ATP2A2: variants seen among roughly 807,000 people sequenced by gnomAD.
The protein encoded by ATP2A2 is ATPase sarcoplasmic/endoplasmic reticulum Ca2+ transporting 2.
In ATP2A2, 14 loss-of-function variants were observed where a neutral mutation model predicts 109.3. The observed-to-expected ratio is 0.13, with a 90% confidence interval of 0.08 to 0.20. The LOEUF is 0.20. Ranked by LOEUF, ATP2A2 falls within the 10% of genes least tolerant of loss-of-function variation. The probability of loss-of-function intolerance (pLI) is 1.00; values close to 1 mark genes in which losing one functional copy is unlikely to be tolerated. For missense variants in ATP2A2, 657 were observed against 1,321.6 expected (o/e 0.50, Z 7.80); for synonymous variants, 506 against 490.9 (o/e 1.03, Z -0.41).
chr12:110,300,504 A>G (rs937769328), intron 5 of ATP2A2, among the ~76,000 whole-genome samples: 7 of 150,762 alleles, frequency 4.6e-5, no homozygotes, highest in African/African-American at 1.7e-4. Context: ...GCAGGTGCCC[A>G]CCAACACTCC....
At chr12:110,296,267 T>TC in intron 4 of ATP2A2, 1 of 352,294 alleles carries the variant, frequency 2.8e-6, no homozygotes, top group East Asian at 7.0e-5. Context: ...CTGTACTGCC[T>TC]CTCATGAGAC....
chr12:110,298,721 A>G (rs1874228948), intron 5 of ATP2A2, among the ~76,000 whole-genome samples: 1 of 152,158 alleles, frequency 6.6e-6, no homozygotes, highest in African/African-American at 2.4e-5. Context: ...CTCCATCTCA[A>G]AAAAACAAAT....
intron 16 of ATP2A2, among the ~76,000 whole-genome samples, chr12:110,344,102 A>G (rs1057282824): frequency 8.5e-5 from 13 of 152,154 alleles, no homozygotes; most frequent in Non-Finnish European, 2.9e-5. Flanking sequence ...TGCTGTGCAC[A>G]CCTGCATGTT....
intron 3 of ATP2A2, among the ~76,000 whole-genome samples, chr12:110,284,870 A>G (rs183610090): frequency 6.6e-6 from 1 of 152,154 alleles, no homozygotes; most frequent in Admixed American, 6.5e-5. Context: ...GGAATTGCAG[A>G]TATAAGACCT....
rs1225208342 is a variant in ATP2A2, at chr12:110,300,177, GCTCT to G, written c.463+3445_463+3448del. ...GTCCTCCCTCTTTTCCTTCTTTCTC[GCTCT>G]CTCTTTTTTTTTTTTTTTTTTTTAA... On this transcript the variant is annotated intron_variant, in intron 5 of 19. Coordinates refer to ENST00000539276, the MANE Select transcript of ATP2A2 (RefSeq NM_170665.4). Among the ~76,000 whole-genome samples, 11 of 82,888 alleles carry G rather than the reference GCTCT, an allele frequency of 1.3e-4. No individual in the cohort carries two copies. The East Asian group carries it at 2.7e-3, about 20-fold the overall frequency. 54.4% of individuals were successfully genotyped at this position (82,888 alleles called of 152,430 possible).
At position 110,281,645 on chromosome 12, in the gene ATP2A2, C is replaced by A. The variant is rs980596382; in HGVS notation, c.-145C>A. 2.6e-5 allele frequency: 12 copies of A among 457,912 alleles called. No individual in the cohort carries two copies. Among genetic ancestry groups the A allele is most frequent in the African/African-American group, 1.3e-4 (6 of 47,824 alleles). 28.4% of individuals were successfully genotyped at this position (457,912 alleles called of 1,614,324 possible). A position where few individuals can be genotyped will look rare whatever the true frequency, so the allele number is the denominator to read the frequency against. On this transcript the variant is annotated 5_prime_UTR_variant, in exon 1 of 20. Transcript: ENST00000539276. ...GGGCGCGGGGTGATTCAGCGCCCGG[C>A]GAGGCGGAAGCGGCCGCAAGAGGAG... is the stretch of plus-strand genomic sequence containing the variant.
chr12:110,330,243 C>T (rs1055930525), intron 8 of ATP2A2: 5 of 152,144 alleles, frequency 3.3e-5, no homozygotes, highest in African/African-American at 1.2e-4. Flanking sequence ...ATTTTAAGCT[C>T]ATGATGATTT....
chr12:110,349,827 T>C lies in ATP2A2; in HGVS notation c.*3357T>C. Reference sequence around the variant, plus strand: ...CTTCACCCTCCTTTACTGAGGAGAATGATGCGGAGGAGTTTCCTCTCCAGG... The same window carrying C: ...CTTCACCCTCCTTTACTGAGGAGAACGATGCGGAGGAGTTTCCTCTCCAGG... On this transcript the variant is annotated 3_prime_UTR_variant, in exon 20 of 20. Transcript: ENST00000539276. 1 of 1,043,858 alleles carries C rather than the reference T, an allele frequency of 9.6e-7. No individual in the cohort carries two copies. Among genetic ancestry groups the C allele is most frequent in the Non-Finnish European group, 1.2e-6 (1 of 864,972 alleles). 64.7% of individuals were successfully genotyped at this position (1,043,858 alleles called of 1,614,324 possible). A position where few individuals can be genotyped will look rare whatever the true frequency, so the allele number is the denominator to read the frequency against.
intron 6 of ATP2A2, among the ~76,000 whole-genome samples, chr12:110,324,488 C>T (rs1177619313): frequency 2.6e-5 from 4 of 151,894 alleles, no homozygotes; most frequent in Non-Finnish European, 4.4e-5. Flanking sequence ...GTGCTGTGAT[C>T]TCAGCTCACT....
At chr12:110,326,353 G>A (rs182640040) in intron 6 of ATP2A2, 37 bp from the exon 7 acceptor site, 277 of 1,566,860 alleles carry the variant, frequency 1.8e-4, no homozygotes, top group Admixed American at 7.1e-4. Flanking sequence ...GGTGTGGGTC[G>A]CAGAGATCTG....
intron 2 of ATP2A2, 40 bp from the exon 3 acceptor site, chr12:110,282,673 G>A: frequency 1.2e-6 from 2 of 1,613,598 alleles, no homozygotes; most frequent in Non-Finnish European, 1.7e-6. Context: ...TGTGCTGATG[G>A]TAAGATGACA....
Position 110,349,391 on chromosome 12 carries a change from G to A in ATP2A2, c.*2921G>A. 2.0e-6 allele frequency: 2 copies of A among 985,554 alleles called. No homozygotes were observed. The highest frequency in any genetic ancestry group is 2.4e-6 in the Non-Finnish European group (2 of 830,000). 61.1% of individuals were successfully genotyped at this position (985,554 alleles called of 1,614,324 possible). Reference sequence around the variant, plus strand: ...CAGGTGGCTGAAGGCCCAGCCATCAGTGTCGCTTGTTGCCACCCCGTGCCT... The same window carrying A: ...CAGGTGGCTGAAGGCCCAGCCATCAATGTCGCTTGTTGCCACCCCGTGCCT... On this transcript the variant is annotated 3_prime_UTR_variant, in exon 20 of 20. Coordinates refer to ENST00000539276, the MANE Select transcript of ATP2A2 (RefSeq NM_170665.4).
In ATP2A2 at chr12:110,346,631, C is replaced by G. The variant is rs1566244062; in HGVS notation, c.*161C>G. ...TTTGCTTTTTCTGACTCCAGTGGGGCAAGATTTTCCTTTTTTATACACATA... is the reference window on the plus strand; with the variant it reads ...TTTGCTTTTTCTGACTCCAGTGGGGGAAGATTTTCCTTTTTTATACACATA... On this transcript the variant is annotated 3_prime_UTR_variant, in exon 20 of 20. Transcript: ENST00000539276. 2 of 1,473,084 alleles carry G rather than the reference C, an allele frequency of 1.4e-6. No homozygotes were observed. Among genetic ancestry groups the G allele is most frequent in the Admixed American group, 5.0e-5 (2 of 39,618 alleles). 91.3% of individuals were successfully genotyped at this position (1,473,084 alleles called of 1,614,324 possible).
chr12:110,341,642 G>A (rs1879363150), intron 14 of ATP2A2, among the ~76,000 whole-genome samples: 1 of 152,138 alleles, frequency 6.6e-6, no homozygotes. Flanking sequence ...GGAGGCCGAG[G>A]CAGGTGAATC....
chr12:110,281,171 T>G (rs951543884), upstream of ATP2A2: 1 of 149,104 alleles, frequency 6.7e-6, no homozygotes, highest in Non-Finnish European at 1.5e-5. Context: ...CGCGCCGCGC[T>G]GGGCGCTCTC....
rs1372828371 is a variant in ATP2A2, at chr12:110,284,291, G to A, written c.219+1496G>A. 3.9e-5 allele frequency among the ~76,000 whole-genome samples: 6 copies of A among 152,020 alleles called. No homozygotes were observed. The South Asian group carries it at 8.3e-4, about 21-fold the overall frequency. ...GGGCAAAATAAATGATACATTTGGA[G>A]CTAGTGTAAGATTTGTATTTAACTG... On this transcript the variant is annotated intron_variant, in intron 3 of 19. Transcript: ENST00000539276.
At position 110,342,162 on chromosome 12, in the gene ATP2A2, G is replaced by A. The variant is rs1359534692; in HGVS notation, c.2098-66G>A. ...TTTCCTCCTGCTTCCCATTCAGTGG[G>A]CTTTTGCCTAGGGGTATGAATGTGG... On this transcript the variant is annotated intron_variant, in intron 14 of 19. Transcript: ENST00000539276. The surrounding 1 kb of genome is among the most constrained non-coding windows in gnomAD (Gnocchi z 4.6). The A allele has an allele frequency of 2.6e-6, 4 of 1,559,354 alleles. No individual in the cohort carries two copies. Among genetic ancestry groups the A allele is most frequent in the Non-Finnish European group, 2.7e-6 (3 of 1,130,624 alleles).
intron 6 of ATP2A2, among the ~76,000 whole-genome samples, chr12:110,323,919 G>A (rs1322312113): frequency 6.6e-6 from 1 of 152,182 alleles, no homozygotes; most frequent in Non-Finnish European, 1.5e-5. Flanking sequence ...CTCCAGTGCT[G>A]TAATTTTTTT....
intron 5 of ATP2A2, among the ~76,000 whole-genome samples, chr12:110,322,154 C>G (rs1877315597): frequency 6.6e-6 from 1 of 152,078 alleles, no homozygotes; most frequent in African/African-American, 2.4e-5. Flanking sequence ...GGATATATGC[C>G]CCAGCTGTGC....
Sources: gnomAD v4.1 joint callset for allele counts (sites outside exome capture counted in the v4.1 genomes callset) on GRCh38, gnomAD v4.1.1 for gene constraint, Gnocchi (gnomAD v3.1) non-coding constraint, MANE v1.5 for transcripts, NCBI Gene and HGNC (gene_info 2026-07-23, HGNC 2026-07-21) for gene names.